The following ALK variants were observed in gnomAD, a reference collection of about 807,000 sequenced individuals.
ALK encodes the protein ALK receptor tyrosine kinase, also known as ALK tyrosine kinase receptor.
In ALK, 74 loss-of-function variants were observed where a neutral mutation model predicts 163.1. The observed-to-expected ratio is 0.45, with a 90% CI of 0.38 to 0.55. ALK has a LOEUF of 0.55. ALK is among the 20% of genes least tolerant of loss of function. The probability of loss-of-function intolerance (pLI) is 0.00; values close to 1 mark genes in which losing one functional copy is unlikely to be tolerated. For synonymous variants in ALK, 960 were observed against 843.2 expected, an observed-to-expected ratio of 1.14 and a Z score of -2.40; for missense variants, 2,063 against 2,105.3, an observed-to-expected ratio of 0.98 and a Z score of 0.39.
intron 3 of ALK, among the ~76,000 whole-genome samples, chr2:29,602,534 T>C (rs769494735): frequency 6.6e-6 from 1 of 152,192 alleles, no homozygotes; most frequent in Non-Finnish European, 1.5e-5. Flanking sequence ...GATTAAGTGA[T>C]GTGTCTAGCA....
chr2:29,449,791 T>C (rs957682082), intron 4 of ALK, among the ~76,000 whole-genome samples: 1 of 152,240 alleles, frequency 6.6e-6, no homozygotes, highest in Non-Finnish European at 1.5e-5. Flanking sequence ...TCAAGCATTT[T>C]GTCTGAAATG....
chr2:29,397,712 A>C (rs1442471117), intron 4 of ALK, among the ~76,000 whole-genome samples: 1 of 152,132 alleles, frequency 6.6e-6, no homozygotes, highest in African/African-American at 2.4e-5. Flanking sequence ...TGTACAGAAC[A>C]TTTTTCTACA....
At chr2:29,594,738 C>CT (rs1675155281) in intron 3 of ALK, among the ~76,000 whole-genome samples, 2 of 151,914 alleles carry the variant, frequency 1.3e-5, no homozygotes, top group South Asian at 2.1e-4. Context: ...AGTCTCCTCA[C>CT]TTTTTTGAAG....
chr2:29,597,715 C>T (rs1193090359), intron 3 of ALK, among the ~76,000 whole-genome samples: 2 of 152,186 alleles, frequency 1.3e-5, no homozygotes, highest in Non-Finnish European at 2.9e-5. Flanking sequence ...ATATGTACAG[C>T]TGCTTAGCTG....
chr2:29,633,615 T>C (rs1474424300), intron 3 of ALK, among the ~76,000 whole-genome samples: 2 of 151,688 alleles, frequency 1.3e-5, no homozygotes, highest in African/African-American at 2.4e-5. Context: ...ATAGACTAAT[T>C]TAATTAAAAC....
chr2:29,487,984 TA>T (rs1455322718), intron 4 of ALK, among the ~76,000 whole-genome samples: 1 of 152,128 alleles, frequency 6.6e-6, no homozygotes, highest in Non-Finnish European at 1.5e-5. Flanking sequence ...CTTGGGTTGT[TA>T]TTTTTTTTTT....
chr2:29,522,378 T>G (rs1018916693), intron 4 of ALK, among the ~76,000 whole-genome samples: 1 of 152,144 alleles, frequency 6.6e-6, no homozygotes. Flanking sequence ...AAGCATCAAG[T>G]GATTCTTCCT....
In ALK at chr2:29,204,129, T is replaced by C. The variant is rs557246750; in HGVS notation, c.3938+3042A>G. ...ATTTTTTTCTTAGAACAGTTCAAAC[T>C]TGGAAGAAACTATGAATACACGGAG... On this transcript the variant is annotated intron_variant, in intron 26 of 28. Transcript: ENST00000389048. Among the ~76,000 whole-genome samples the C allele has an allele frequency of 3.3e-5, 5 of 152,314 alleles. No individual in the cohort carries two copies. In the South Asian group the frequency reaches 1.0e-3, roughly 32 times the overall value.
At chr2:29,322,769 A>G (rs10185655) in intron 6 of ALK, among the ~76,000 whole-genome samples, 121,147 of 152,218 alleles carry the variant, frequency 0.8, 50,982 homozygotes, top group East Asian at 0.93. Context: ...AGGAGGTGGA[A>G]GTTGCAGTGA....
intron 3 of ALK, among the ~76,000 whole-genome samples, chr2:29,634,157 G>T (rs546934627): frequency 6.6e-6 from 1 of 151,328 alleles, no homozygotes; most frequent in Non-Finnish European, 1.5e-5. Flanking sequence ...GGAGTGCAGT[G>T]GTGCAATCTC....
At chr2:29,888,232 T>C (rs916128719) in intron 1 of ALK, among the ~76,000 whole-genome samples, 2 of 136,946 alleles carry the variant, frequency 1.5e-5, no homozygotes, top group African/African-American at 5.6e-5. Flanking sequence ...ATTGAGCACA[T>C]GGTCCAATAA....
chr2:29,449,279 A>G (rs1254424787), intron 4 of ALK, among the ~76,000 whole-genome samples: 2 of 152,216 alleles, frequency 1.3e-5, no homozygotes, highest in Admixed American at 6.5e-5. Context: ...TGAATTTTCT[A>G]TGGTGAGTGA....
intron 4 of ALK, among the ~76,000 whole-genome samples, chr2:29,428,892 C>T (rs6722838): frequency 0.97 from 147,926 of 152,068 alleles, 72,069 homozygotes; most frequent in Middle Eastern, 1. Context: ...AATCAAGCAA[C>T]GTATAAAAAG....
In ALK at chr2:29,412,352, GGCGCT is replaced by G. The variant is rs1669744951; in HGVS notation, c.1155-28498_1155-28494del. 2.6e-5 allele frequency among the ~76,000 whole-genome samples: 4 copies of G among 152,178 alleles called. No individual in the cohort carries two copies. In the South Asian group the frequency reaches 8.3e-4, roughly 32 times the overall value. On this transcript the variant is annotated intron_variant, in intron 4 of 28. Coordinates refer to ENST00000389048, the MANE Select transcript of ALK (RefSeq NM_004304.5). The stretch of plus-strand genomic sequence containing the variant: ...CTTCTAATTGCTCCTGTAGTACAGT[GGCGCT>G]GCATGCTTATAGATATGCCTGAAAG...
chr2:29,663,609 T>C (rs1014168419), intron 3 of ALK, among the ~76,000 whole-genome samples: 6 of 152,182 alleles, frequency 3.9e-5, no homozygotes, highest in African/African-American at 7.2e-5. Flanking sequence ...CACAGTTGTA[T>C]TGTGTGTCTA....
intron 23 of ALK, among the ~76,000 whole-genome samples, chr2:29,217,370 G>C (rs368265023): frequency 2.0e-5 from 3 of 151,158 alleles, no homozygotes; most frequent in African/African-American, 7.3e-5. Context: ...GTGTGTGTCT[G>C]GGAGGGGCTG....
At chr2:29,361,271 C>T (rs894824516) in intron 5 of ALK, among the ~76,000 whole-genome samples, 5 of 152,162 alleles carry the variant, frequency 3.3e-5, no homozygotes, top group Admixed American at 6.5e-5. Context: ...TTTTAGTATC[C>T]GGGAAAAACA....
chr2:29,225,911 C>A (rs952233091), intron 18 of ALK, among the ~76,000 whole-genome samples: 1 of 152,114 alleles, frequency 6.6e-6, no homozygotes, highest in African/African-American at 2.4e-5. Flanking sequence ...GACCAAACAA[C>A]AGGGTGCGCT....
chr2:29,368,400 C>T (rs867265935), intron 5 of ALK, among the ~76,000 whole-genome samples: 1 of 152,058 alleles, frequency 6.6e-6, no homozygotes, highest in Non-Finnish European at 1.5e-5. Flanking sequence ...GACAGTGGCC[C>T]CTCATACGTC....
Sources: allele counts gnomAD v4.1 joint callset (sites outside exome capture counted in the v4.1 genomes callset), GRCh38; gene constraint gnomAD v4.1.1; transcripts MANE v1.5; gene names NCBI Gene and HGNC (gene_info 2026-07-23, HGNC 2026-07-21).